The following MALT1 variants were observed in gnomAD, a reference collection of about 807,000 sequenced individuals.
MALT1 encodes MALT1 paracaspase, also known as mucosa-associated lymphoid tissue lymphoma translocation protein 1.
MALT1 carries 36 observed loss-of-function variants against 85.5 expected under a neutral mutation model. The observed-to-expected ratio is 0.42, with a 90% CI of 0.32 to 0.56. The LOEUF is 0.56. Among genes scored for constraint, MALT1 ranks in the 20% least tolerant of loss-of-function variants. MALT1 has a pLI of 0.10. For missense variants in MALT1, 716 were observed against 981.6 expected, an observed-to-expected ratio of 0.73 and a Z score of 3.62; for synonymous variants, 359 against 361.3, an observed-to-expected ratio of 0.99 and a Z score of 0.07.
chr18:58,733,234 A>C (rs1235191189), intron 10 of MALT1, among the ~76,000 whole-genome samples, 163 bp from the exon 11 acceptor site: 1 of 152,194 alleles, frequency 6.6e-6, no homozygotes, highest in African/African-American at 2.4e-5. Context: ...TTTAAATGCA[A>C]AATAACATTG....
Position 58,752,394 on chromosome 18 carries a change from C to T in MALT1, c.*4552C>T, listed in dbSNP as rs555162106. On this transcript the variant is annotated 3_prime_UTR_variant, in exon 17 of 17. Coordinates refer to ENST00000649217, the MANE Select transcript of MALT1 (RefSeq NM_006785.4). ...GCTTATATACTGTCATTACTTTTAT[C>T]TGTCAACTGATGTCAGCTACTCAAT... 1 of 152,178 alleles carries T rather than the reference C, an allele frequency of 6.6e-6. No individual in the cohort carries two copies. The highest frequency in any genetic ancestry group is 1.5e-5 in the Non-Finnish European group (1 of 68,042). 9.4% of individuals were successfully genotyped at this position (152,178 alleles called of 1,614,324 possible).
chr18:58,718,734 A>G (rs1466010756), intron 9 of MALT1, among the ~76,000 whole-genome samples: 2 of 152,240 alleles, frequency 1.3e-5, no homozygotes, highest in Non-Finnish European at 2.9e-5. Flanking sequence ...AATGAATAAT[A>G]TAGTACATGC....
intron 4 of MALT1, among the ~76,000 whole-genome samples, chr18:58,703,214 G>A (rs2144368993): frequency 6.6e-6 from 1 of 152,200 alleles, no homozygotes; most frequent in South Asian, 2.1e-4. Flanking sequence ...AAAATTAGCT[G>A]GGTGTGGTGG....
intron 14 of MALT1, among the ~76,000 whole-genome samples, chr18:58,743,421 A>G (rs781421513): frequency 1.3e-5 from 2 of 152,214 alleles, no homozygotes; most frequent in Non-Finnish European, 2.9e-5. Flanking sequence ...GTAAATTAAC[A>G]TATTAAAGCA....
At chr18:58,675,459 C>A (rs908383678) in intron 1 of MALT1, 3 of 152,134 alleles carry the variant, frequency 2.0e-5, no homozygotes, top group Non-Finnish European at 2.9e-5. Flanking sequence ...TACAAAAAAA[C>A]AAAAAATTAG....
intron 2 of MALT1, among the ~76,000 whole-genome samples, chr18:58,689,562 A>G (rs1004194901): frequency 6.6e-6 from 1 of 152,240 alleles, no homozygotes; most frequent in Admixed American, 6.5e-5. Flanking sequence ...GACTAAGACC[A>G]TCAAGGTCCT....
At chr18:58,730,236 C>T (rs2055128434) in intron 10 of MALT1, among the ~76,000 whole-genome samples, 1 of 152,190 alleles carries the variant, frequency 6.6e-6, no homozygotes, top group South Asian at 2.1e-4. Flanking sequence ...AAGTGGGCAT[C>T]AGTCACCACT....
At chr18:58,696,533 G>T in intron 3 of MALT1, 46 bp downstream of exon 3, 1 of 1,414,308 alleles carries the variant, frequency 7.1e-7, no homozygotes, top group East Asian at 2.4e-5. Context: ...GAGAGAGAAT[G>T]ATAGAGAATT....
intron 11 of MALT1, 195 bp downstream of exon 11, chr18:58,733,769 A>T: frequency 1.4e-6 from 1 of 738,278 alleles, no homozygotes; most frequent in Non-Finnish European, 2.0e-6. Flanking sequence ...CATATTTGCT[A>T]TAGAACACAA....
intron 2 of MALT1, chr18:58,690,974 C>A: frequency 3.5e-6 from 1 of 284,772 alleles, no homozygotes; most frequent in South Asian, 4.0e-5. Context: ...GTGTAAGTCT[C>A]AGATTCTCAG....
At position 58,749,858 on chromosome 18, in the gene MALT1, G is replaced by GTGAT. The variant is rs1236526652; in HGVS notation, c.*2017_*2020dup. The GTGAT allele has an allele frequency of 5.2e-5, 11 of 209,950 alleles. No individual in the cohort carries two copies. The highest frequency in any genetic ancestry group is 1.9e-4 in the South Asian group (1 of 5,328). 13.0% of individuals were successfully genotyped at this position (209,950 alleles called of 1,614,324 possible). A position where few individuals can be genotyped will look rare whatever the true frequency, so the allele number is the denominator to read the frequency against. On this transcript the variant is annotated 3_prime_UTR_variant, in exon 17 of 17. Transcript: ENST00000649217. ...CCCACACCTAACATTATACTTCATG[G>GTGAT]TGATAGACTGAAGGCTGAATGTTTT...
At position 58,723,100 on chromosome 18, in the gene MALT1, CAAGCTCA is replaced by C. The variant is rs1363249673; in HGVS notation, c.1078_1084del (p.Lys360LeufsTer8). 1 of 1,613,890 alleles carries C rather than the reference CAAGCTCA, an allele frequency of 6.2e-7. No homozygotes were observed. Among genetic ancestry groups the C allele is most frequent in the Non-Finnish European group, 8.5e-7 (1 of 1,179,904 alleles). On this transcript the variant is annotated frameshift_variant, in exon 10 of 17. Transcript: ENST00000649217. LOFTEE classifies it high-confidence loss of function. ...GAAATATGAATTACCGGGAGCACCCCAAGCTCAAAGCTCCTTTGGTGGATGTGTACGA... is the reference window on the plus strand; with the variant it reads ...GAAATATGAATTACCGGGAGCACCCCAAGCTCCTTTGGTGGATGTGTACGA...
At chr18:58,740,074 T>A (rs2055281378) in intron 13 of MALT1, among the ~76,000 whole-genome samples, 2 of 152,204 alleles carry the variant, frequency 1.3e-5, no homozygotes. Context: ...ATTTCTTGAG[T>A]CAATTTTGAT....
chr18:58,703,927 C>G (rs144625468), intron 4 of MALT1, among the ~76,000 whole-genome samples: 26 of 152,096 alleles, frequency 1.7e-4, no homozygotes, highest in African/African-American at 6.0e-4. Context: ...TAGTCATTGA[C>G]CAGTCTAGAT....
At position 58,724,666 on chromosome 18, in the gene MALT1, A is replaced by G. The variant is rs566431535; in HGVS notation, c.1222+1415A>G. Among the ~76,000 whole-genome samples the G allele has an allele frequency of 2.0e-5, 3 of 152,312 alleles. No individual in the cohort carries two copies. In the South Asian group the frequency reaches 6.2e-4, roughly 32 times the overall value. On this transcript the variant is annotated intron_variant, in intron 10 of 16. Transcript: ENST00000649217. ...CTTTGTATCATGCACAAAATTATTT[A>G]AAATATTGTATAAAATTACCTTCAG...
intron 2 of MALT1, chr18:58,690,757 G>A: frequency 5.0e-6 from 1 of 201,448 alleles, no homozygotes; most frequent in Non-Finnish European, 1.1e-5. Flanking sequence ...GGGGTGTCAA[G>A]CAGGCCCTCT....
At chr18:58,725,616 G>A (rs1210958260) in intron 10 of MALT1, among the ~76,000 whole-genome samples, 1 of 152,132 alleles carries the variant, frequency 6.6e-6, no homozygotes, top group Admixed American at 6.5e-5. Context: ...TGAGGTGTAA[G>A]GAAAAAATAT....
chr18:58,709,683 T>C, intron 5 of MALT1, 127 bp downstream of exon 5: 1 of 825,516 alleles, frequency 1.2e-6, no homozygotes, highest in Non-Finnish European at 1.8e-6. Context: ...TATTTTTATT[T>C]AAAGTCCCTT....
At chr18:58,736,695 A>G (rs981082271) in intron 13 of MALT1, among the ~76,000 whole-genome samples, 6 of 152,224 alleles carry the variant, frequency 3.9e-5, no homozygotes, top group Non-Finnish European at 8.8e-5. Flanking sequence ...CATCTTAGAC[A>G]GTTTTGCTTT....
Sources: allele counts gnomAD v4.1 joint callset (sites outside exome capture counted in the v4.1 genomes callset), GRCh38; gene constraint gnomAD v4.1.1; transcripts MANE v1.5; gene names NCBI Gene and HGNC (gene_info 2026-07-23, HGNC 2026-07-21).